The following RERE variants were observed in gnomAD, a reference collection of about 807,000 sequenced individuals.
RERE encodes the protein arginine-glutamic acid dipeptide repeats.
RERE carries 40 observed loss-of-function variants against 146.1 expected under a neutral mutation model. The observed-to-expected ratio is 0.27, with a 90% confidence interval of 0.21 to 0.36. The LOEUF (loss-of-function observed/expected upper bound fraction) is 0.36. Ranked by LOEUF, RERE falls within the 10% of genes least tolerant of loss-of-function variation. The pLI is 1.00. For missense variants in RERE, 1,933 were observed against 2,138.7 expected, an observed-to-expected ratio of 0.90 and a Z score of 1.90; for synonymous variants, 1,003 against 866.0, an observed-to-expected ratio of 1.16 and a Z score of -2.78.
At chr1:8,582,386 T>C (rs117100047) in intron 4 of RERE, among the ~76,000 whole-genome samples, 1,665 of 151,774 alleles carry the variant, frequency 0.011, 24 homozygotes, top group East Asian at 0.059. Flanking sequence ...TTTTTTTTTT[T>C]TCTCTCTCTT....
chr1:8,809,157 A>ATAAATAAAT (rs1553151907), intron 1 of RERE, among the ~76,000 whole-genome samples: 3 of 146,122 alleles, frequency 2.1e-5, no homozygotes, highest in African/African-American at 8.3e-5. Flanking sequence ...AAAAAAAAAA[A>ATAAATAAAT]AAAGTACTGA....
intron 4 of RERE, among the ~76,000 whole-genome samples, chr1:8,576,653 A>T (rs1446387500): frequency 2.6e-5 from 4 of 152,140 alleles, no homozygotes. Context: ...AAACCATAAT[A>T]AAAAAATGCA....
intron 4 of RERE, among the ~76,000 whole-genome samples, chr1:8,593,453 A>T (rs1646518502): frequency 6.6e-6 from 1 of 152,164 alleles, no homozygotes; most frequent in Admixed American, 6.5e-5. Flanking sequence ...TCCCCTGCAC[A>T]CGTTCTCTTG....
chr1:8,811,840 G>T (rs1641817667), intron 1 of RERE, among the ~76,000 whole-genome samples: 1 of 152,166 alleles, frequency 6.6e-6, no homozygotes, highest in Admixed American at 6.5e-5. Context: ...TCCCCTTTGG[G>T]GTGGTATATT....
chr1:8,364,751 G>T lies in RERE; in HGVS notation c.1535C>A (p.Thr512Asn), dbSNP rs201919111. 2 of 1,612,770 alleles carry T rather than the reference G, an allele frequency of 1.2e-6. No individual in the cohort carries two copies. The highest frequency in any genetic ancestry group is 1.7e-6 in the Non-Finnish European group (2 of 1,178,792). The stretch of plus-strand genomic sequence containing the variant: ...AGCGTGACGAGGCCACTTACTGGTG[G>T]TGAAGCAGTGGCGGCAGGCGTACCC... ...LKGYACRHCF[T>N]TTSKDWHHGG... The change falls in exon 14 of 23, where the codon ACC (threonine) becomes AAC (asparagine). Residue 512 changes from threonine (T) to asparagine (N), a missense_variant. Physicochemically the swap from Thr to Asn is moderately conservative, Grantham distance 65. Transcript: ENST00000400908. The surrounding 1 kb of genome is among the most constrained non-coding windows in gnomAD (Gnocchi z 5.1).
At chr1:8,405,344 C>T (rs1040177366) in intron 12 of RERE, among the ~76,000 whole-genome samples, 70 of 152,176 alleles carry the variant, frequency 4.6e-4, no homozygotes, top group Middle Eastern at 6.8e-3. Context: ...TAACCACCCC[C>T]GAAAAATACC....
In RERE at chr1:8,423,790, C is replaced by T. The variant is rs1570207499; in HGVS notation, c.1204-983G>A. ...GCTGACGGGGGAGGAGGCAGGAGCG[C>T]GGCGCGCAGAGCCCGGCGCGGCCGC... is the stretch of plus-strand genomic sequence containing the variant. On this transcript the variant is annotated intron_variant, in intron 11 of 22. Transcript: ENST00000400908. This position sits in a 1 kb window ranked among gnomAD's most constrained non-coding sequence, Gnocchi z 5.4. The T allele has an allele frequency of 4.2e-6, 3 of 709,692 alleles. No homozygotes were observed. The highest frequency in any genetic ancestry group is 2.0e-5 in the African/African-American group (1 of 51,132). The allele number at this position is 709,692 out of a possible 1,614,324, so 44.0% of individuals were successfully genotyped here. A position where few individuals can be genotyped will look rare whatever the true frequency, so the allele number is the denominator to read the frequency against.
At chr1:8,488,847 G>A (rs1462241017) in intron 10 of RERE, among the ~76,000 whole-genome samples, 1 of 152,164 alleles carries the variant, frequency 6.6e-6, no homozygotes, top group Non-Finnish European at 1.5e-5. Flanking sequence ...ACAGGTATCT[G>A]TGTGGAAGAA....
At chr1:8,540,077 T>C (rs1248436765) in intron 7 of RERE, among the ~76,000 whole-genome samples, 7 of 151,296 alleles carry the variant, frequency 4.6e-5, no homozygotes, top group African/African-American at 1.7e-4. Flanking sequence ...GTATTATTTA[T>C]TATTTATTTA....
intron 4 of RERE, among the ~76,000 whole-genome samples, chr1:8,576,825 A>G (rs908897277): frequency 2.6e-5 from 4 of 152,204 alleles, no homozygotes; most frequent in Non-Finnish European, 5.9e-5. Flanking sequence ...CATCTACCAA[A>G]ATTACAAACA....
intron 8 of RERE, among the ~76,000 whole-genome samples, chr1:8,502,486 G>A (rs1645184813): frequency 7.9e-6 from 1 of 125,832 alleles, no homozygotes. Context: ...CCCCTGCCCG[G>A]CCAGCCGCCC....
intron 10 of RERE, among the ~76,000 whole-genome samples, chr1:8,479,558 G>A (rs1421061952): frequency 6.6e-6 from 1 of 152,142 alleles, no homozygotes; most frequent in Non-Finnish European, 1.5e-5. Context: ...AAGAGAGGTG[G>A]TGAAGAAACC....
chr1:8,353,264 A>G lies in RERE; in HGVS notation c.*1823T>C, dbSNP rs1641164154. ...TAGAAACATTTTCAACAGACAAAAC[A>G]AGCCTATCCCAACTGAAACCAAACA... is the stretch of plus-strand genomic sequence containing the variant. On this transcript the variant is annotated 3_prime_UTR_variant, in exon 23 of 23. Transcript: ENST00000400908. The G allele has an allele frequency of 6.6e-6, 1 of 152,436 alleles. No individual in the cohort carries two copies. Among genetic ancestry groups the G allele is most frequent in the African/African-American group, 2.4e-5 (1 of 41,476 alleles). The allele number at this position is 152,436 out of a possible 1,614,324, so 9.4% of individuals were successfully genotyped here.
chr1:8,668,583 GTAAA>G (rs1478663791), intron 1 of RERE, among the ~76,000 whole-genome samples: 1 of 152,076 alleles, frequency 6.6e-6, no homozygotes, highest in Admixed American at 6.5e-5. Context: ...AAGCAGATGG[GTAAA>G]TAAAGTGTAG....
intron 1 of RERE, among the ~76,000 whole-genome samples, chr1:8,769,240 A>T (rs1175541372): frequency 1.3e-5 from 2 of 152,174 alleles, no homozygotes; most frequent in African/African-American, 4.8e-5. Context: ...ATTATTAGGA[A>T]AAAAGCAATT....
chr1:8,364,630 C>A lies in RERE; in HGVS notation c.1540+116G>T. On this transcript the variant is annotated intron_variant, in intron 14 of 22. Coordinates refer to ENST00000400908, the MANE Select transcript of RERE (RefSeq NM_001042681.2). This position sits in a 1 kb window ranked among gnomAD's most constrained non-coding sequence, Gnocchi z 5.1. ...CTTTCTCGAATCCCGAAGCACAATG[C>A]AAATGTCAAATCAAGTACTGTCCCT... is the stretch of plus-strand genomic sequence containing the variant. The A allele has an allele frequency of 2.7e-6, 2 of 752,650 alleles. No individual in the cohort carries two copies. The highest frequency in any genetic ancestry group is 1.5e-5 in the South Asian group (1 of 65,966). The allele number at this position is 752,650 out of a possible 1,614,324, so 46.6% of individuals were successfully genotyped here. A position where few individuals can be genotyped will look rare whatever the true frequency, so the allele number is the denominator to read the frequency against.
chr1:8,637,568 T>G (rs1647117704), intron 2 of RERE, among the ~76,000 whole-genome samples: 1 of 152,214 alleles, frequency 6.6e-6, no homozygotes, highest in Non-Finnish European at 1.5e-5. Context: ...TTACTTCATA[T>G]TAGAAGGACG....
intron 4 of RERE, among the ~76,000 whole-genome samples, chr1:8,604,818 T>C (rs1445581452): frequency 6.6e-6 from 1 of 152,214 alleles, no homozygotes; most frequent in Non-Finnish European, 1.5e-5. Context: ...TCCAAACAAC[T>C]GACCACACAA....
At chr1:8,449,581 C>T (rs1570258896) in intron 11 of RERE, among the ~76,000 whole-genome samples, 1 of 152,192 alleles carries the variant, frequency 6.6e-6, no homozygotes, top group Non-Finnish European at 1.5e-5. Flanking sequence ...GAAAAATGCA[C>T]ATCTAGGTAT....
Sources: gnomAD v4.1 joint callset for allele counts (sites outside exome capture counted in the v4.1 genomes callset) on GRCh38, gnomAD v4.1.1 for gene constraint, Gnocchi (gnomAD v3.1) non-coding constraint, MANE v1.5 for transcripts, NCBI Gene and HGNC (gene_info 2026-07-23, HGNC 2026-07-21) for gene names.